Variants in GRID2 observed in about 807,000 individuals in gnomAD.
GRID2 encodes the protein glutamate ionotropic receptor delta type subunit 2.
GRID2 carries 33 observed loss-of-function variants against 114.8 expected under a neutral mutation model. The observed-to-expected ratio is 0.29, with a 90% CI of 0.22 to 0.38. The LOEUF is 0.38. GRID2 is among the 10% of genes least tolerant of loss of function. GRID2 has a pLI of 1.00. For missense variants in GRID2, 1,184 were observed against 1,257.7 expected, an observed-to-expected ratio of 0.94 and a Z score of 0.89; for synonymous variants, 505 against 449.9, an observed-to-expected ratio of 1.12 and a Z score of -1.55.
chr4:93,666,411 CAG>C (rs1450959638), intron 14 of GRID2, among the ~76,000 whole-genome samples: 1 of 151,920 alleles, frequency 6.6e-6, no homozygotes, highest in Non-Finnish European at 1.5e-5. Flanking sequence ...TGATATTTTT[CAG>C]AGAGGTATTT....
chr4:93,076,705 C>T (rs1372927465), intron 2 of GRID2, among the ~76,000 whole-genome samples: 1 of 149,692 alleles, frequency 6.7e-6, no homozygotes, highest in East Asian at 2.0e-4. Flanking sequence ...GCAACCTCAG[C>T]CTCCCGGGTT....
intron 14 of GRID2, among the ~76,000 whole-genome samples, chr4:93,630,826 G>T (rs940173282): frequency 6.6e-6 from 1 of 151,996 alleles, no homozygotes; most frequent in African/African-American, 2.4e-5. Context: ...CAATAAAATT[G>T]GAAAAAATTC....
Position 93,042,299 on chromosome 4 carries a change from C to CTCTA in GRID2, c.245-42695_245-42694insCTAT, listed in dbSNP as rs1322225581. On this transcript the variant is annotated intron_variant, in intron 2 of 15. Transcript: ENST00000282020. ...TTTCTCTCTCTCTCTCTCTCTCTCT[C>CTCTA]TATATATATATATATATATACACCT... 3.0e-3 allele frequency among the ~76,000 whole-genome samples: 309 copies of CTCTA among 102,652 alleles called. 3 individuals are homozygous for CTCTA. In the East Asian group the frequency reaches 0.032, roughly 11 times the overall value. The allele number at this position is 102,652 out of a possible 152,430, so 67.3% of individuals were successfully genotyped here.
intron 14 of GRID2, among the ~76,000 whole-genome samples, chr4:93,679,903 A>C (rs1160414698): frequency 2.0e-5 from 3 of 151,214 alleles, no homozygotes; most frequent in East Asian, 3.9e-4. Context: ...CAAAAGCCAG[A>C]AGAAGGCAAG....
intron 11 of GRID2, among the ~76,000 whole-genome samples, chr4:93,464,746 A>G (rs1724110934): frequency 6.6e-6 from 1 of 152,150 alleles, no homozygotes. Context: ...AATGCACTGT[A>G]GACACATAAA....
At chr4:92,578,041 T>TTTCTTCTTCTTCTTCTTCTTC (rs201059955) in intron 1 of GRID2, among the ~76,000 whole-genome samples, 11 of 125,826 alleles carry the variant, frequency 8.7e-5, no homozygotes, top group South Asian at 3.0e-4. Context: ...TGAAACTTAG[T>TTTCTTCTTCTTCTTCTTCTTC]TTCTTCTTCT....
At chr4:93,284,634 T>G (rs890367541) in intron 8 of GRID2, among the ~76,000 whole-genome samples, 1 of 151,868 alleles carries the variant, frequency 6.6e-6, no homozygotes, top group Non-Finnish European at 1.5e-5. Flanking sequence ...GAAGATAGCA[T>G]GAAATCTTGG....
At chr4:93,614,657 A>G (rs1187964817) in intron 13 of GRID2, among the ~76,000 whole-genome samples, 2 of 152,180 alleles carry the variant, frequency 1.3e-5, no homozygotes, top group Non-Finnish European at 2.9e-5. Context: ...TACTAATTAA[A>G]TAATAGATGT....
At chr4:93,531,251 A>G (rs575416729) in intron 13 of GRID2, among the ~76,000 whole-genome samples, 5 of 152,272 alleles carry the variant, frequency 3.3e-5, no homozygotes, top group South Asian at 4.1e-4. Context: ...CACTAAACAA[A>G]CAGAATAATC....
At chr4:93,268,766 A>G (rs1751121308) in intron 8 of GRID2, among the ~76,000 whole-genome samples, 1 of 149,986 alleles carries the variant, frequency 6.7e-6, no homozygotes, top group African/African-American at 2.4e-5. Context: ...GACTGATAGC[A>G]GGTATCTTGT....
chr4:92,949,754 A>G (rs1024032181), intron 2 of GRID2, among the ~76,000 whole-genome samples: 4 of 151,928 alleles, frequency 2.6e-5, no homozygotes, highest in African/African-American at 7.2e-5. Context: ...CCATCCAACA[A>G]ATTGAAACTG....
chr4:92,624,829 A>T (rs2149241519), intron 2 of GRID2, among the ~76,000 whole-genome samples: 1 of 151,956 alleles, frequency 6.6e-6, no homozygotes, highest in South Asian at 2.1e-4. Context: ...TTATTTTATT[A>T]AAAAGGAAAA....
At chr4:93,104,094 T>G (rs1425357907) in intron 3 of GRID2, among the ~76,000 whole-genome samples, 1 of 152,082 alleles carries the variant, frequency 6.6e-6, no homozygotes, top group Non-Finnish European at 1.5e-5. Context: ...TATCTCCAAG[T>G]GTAGTGTAAT....
At chr4:93,193,534 T>C (rs1741197730) in intron 4 of GRID2, among the ~76,000 whole-genome samples, 1 of 152,176 alleles carries the variant, frequency 6.6e-6, no homozygotes, top group South Asian at 2.1e-4. Flanking sequence ...CCTTCTGCCA[T>C]GATTGTAAGT....
chr4:92,545,948 C>T (rs1726233411), intron 1 of GRID2, among the ~76,000 whole-genome samples: 1 of 152,062 alleles, frequency 6.6e-6, no homozygotes, highest in Admixed American at 6.6e-5. Context: ...CTCAATGCAA[C>T]TTTATTCTAG....
At chr4:92,656,016 C>T (rs1273495598) in intron 2 of GRID2, among the ~76,000 whole-genome samples, 5 of 151,654 alleles carry the variant, frequency 3.3e-5, no homozygotes, top group African/African-American at 7.2e-5. Context: ...CATATATAGT[C>T]TTTATTATTT....
chr4:93,488,617 T>A, intron 11 of GRID2, among the ~76,000 whole-genome samples: 1 of 151,932 alleles, frequency 6.6e-6, no homozygotes, highest in East Asian at 1.9e-4. Flanking sequence ...TATTAATAGT[T>A]CACATATAGC....
chr4:93,560,222 T>TAAAAAAAAACAAAAAAAA (rs1734773835), intron 13 of GRID2, among the ~76,000 whole-genome samples: 1 of 42,946 alleles, frequency 2.3e-5, no homozygotes, highest in Non-Finnish European at 4.0e-5. Flanking sequence ...GAACTTAAAG[T>TAAAAAAAAACAAAAAAAA]AAAAAAAAAA....
chr4:93,342,838 T>C (rs1759803012), intron 8 of GRID2, among the ~76,000 whole-genome samples: 1 of 152,186 alleles, frequency 6.6e-6, no homozygotes, highest in South Asian at 2.1e-4. Flanking sequence ...TTTTCAGATT[T>C]TTTCAGGCTG....
Sources: allele counts gnomAD v4.1 joint callset (sites outside exome capture counted in the v4.1 genomes callset), GRCh38; gene constraint gnomAD v4.1.1; transcripts MANE v1.5; gene names NCBI Gene and HGNC (gene_info 2026-07-23, HGNC 2026-07-21).